Variants in BTBD9 observed in about 807,000 individuals in gnomAD.
BTBD9 encodes the protein BTB/POZ domain-containing protein 9.
In BTBD9, 49 loss-of-function variants were observed where a neutral mutation model predicts 64.3. That is an observed-to-expected ratio of 0.76 (90% CI 0.61 to 0.97). BTBD9 has a LOEUF of 0.97. BTBD9 is among the 50% of genes least tolerant of loss of function. The pLI, the probability that BTBD9 is intolerant of heterozygous loss-of-function variation, is 0.00. For missense variants in BTBD9, 598 were observed against 762.1 expected (o/e 0.78, Z 2.53); for synonymous variants, 260 against 274.7 (o/e 0.95, Z 0.53).
At position 38,397,170 on chromosome 6, in the gene BTBD9, G is replaced by A. The variant is rs561194600; in HGVS notation, c.1155-52077C>T. Among the ~76,000 whole-genome samples, 3 of 152,194 alleles carry A rather than the reference G, an allele frequency of 2.0e-5. No individual in the cohort carries two copies. In the East Asian group the frequency reaches 5.8e-4, roughly 29 times the overall value. ...GTCTGCCTTGGCCTCCCAAAGTGCTGGGATTACAGGTGTGAGCCACTGCAC... is the reference window on the plus strand; with the variant it reads ...GTCTGCCTTGGCCTCCCAAAGTGCTAGGATTACAGGTGTGAGCCACTGCAC... On this transcript the variant is annotated intron_variant, in intron 6 of 10. Transcript: ENST00000481247.
chr6:38,343,637 A>G (rs748692858), intron 7 of BTBD9, among the ~76,000 whole-genome samples: 17 of 152,212 alleles, frequency 1.1e-4, no homozygotes, highest in Admixed American at 2.6e-4. Flanking sequence ...TTAAAAAACA[A>G]TATCAGGTAA....
intron 7 of BTBD9, among the ~76,000 whole-genome samples, chr6:38,302,930 T>C (rs969182997): frequency 1.3e-5 from 2 of 152,138 alleles, no homozygotes; most frequent in African/African-American, 4.8e-5. Flanking sequence ...CCATTGGCCA[T>C]TTGTATGTCT....
At chr6:38,366,787 G>A (rs1765200150) in intron 6 of BTBD9, among the ~76,000 whole-genome samples, 1 of 152,164 alleles carries the variant, frequency 6.6e-6, no homozygotes, top group Non-Finnish European at 1.5e-5. Context: ...TCAGCTTTAT[G>A]GCCATTCACT....
At chr6:38,340,502 A>G (rs983634503) in intron 7 of BTBD9, among the ~76,000 whole-genome samples, 4 of 152,244 alleles carry the variant, frequency 2.6e-5, no homozygotes, top group Non-Finnish European at 5.9e-5. Flanking sequence ...GCAAGTGATT[A>G]AAAGATTTCA....
At chr6:38,192,275 C>T (rs578122700) in intron 10 of BTBD9, among the ~76,000 whole-genome samples, 20 of 152,220 alleles carry the variant, frequency 1.3e-4, no homozygotes, top group African/African-American at 3.9e-4. Context: ...TGTGGTTGGC[C>T]GATTCCACAG....
chr6:38,495,202 CTG>C (rs1771897794), intron 6 of BTBD9, among the ~76,000 whole-genome samples: 1 of 152,222 alleles, frequency 6.6e-6, no homozygotes, highest in Admixed American at 6.5e-5. Context: ...AATAACATCT[CTG>C]TGTTTCGTTT....
chr6:38,288,540 A>G, intron 7 of BTBD9, 79 bp from the exon 8 acceptor site: 1 of 1,105,646 alleles, frequency 9.0e-7, no homozygotes, highest in South Asian at 1.5e-5. Context: ...GAACAAAATT[A>G]ATTAATTGCT....
At chr6:38,528,705 A>C (rs1390913006) in intron 6 of BTBD9, among the ~76,000 whole-genome samples, 2 of 152,092 alleles carry the variant, frequency 1.3e-5, no homozygotes, top group Non-Finnish European at 2.9e-5. Flanking sequence ...GAAGGGAAGG[A>C]CCCAGTCCTG....
chr6:38,392,899 G>C (rs1766495072), intron 6 of BTBD9, among the ~76,000 whole-genome samples: 1 of 142,092 alleles, frequency 7.0e-6, no homozygotes, highest in African/African-American at 2.8e-5. Context: ...TTTTGAGATG[G>C]AGTCTTGTTC....
chr6:38,488,147 G>A (rs1430745047), intron 6 of BTBD9, among the ~76,000 whole-genome samples: 2 of 151,948 alleles, frequency 1.3e-5, no homozygotes, highest in African/African-American at 4.8e-5. Flanking sequence ...TGTAGAGACA[G>A]TGTCTTGCTG....
chr6:38,562,463 C>A (rs1044490404), intron 6 of BTBD9, among the ~76,000 whole-genome samples: 1 of 152,106 alleles, frequency 6.6e-6, no homozygotes. Context: ...AAAGTAACTT[C>A]AACTCCCTAT....
chr6:38,367,799 C>CAAAAAAAAAA lies in BTBD9; in HGVS notation c.1155-22716_1155-22707dup, dbSNP rs575025737. 3.3e-4 allele frequency among the ~76,000 whole-genome samples: 28 copies of CAAAAAAAAAA among 84,326 alleles called. 1 individual carries two copies. Among genetic ancestry groups the CAAAAAAAAAA allele is most frequent in the East Asian group, 1.0e-3 (2 of 1,918 alleles). 55.3% of individuals were successfully genotyped at this position (84,326 alleles called of 152,430 possible). On this transcript the variant is annotated intron_variant, in intron 6 of 10. Coordinates refer to ENST00000481247, the MANE Select transcript of BTBD9 (RefSeq NM_001099272.2). The stretch of plus-strand genomic sequence containing the variant: ...TGCAAGAGTGTTGCACCAGAAATGG[C>CAAAAAAAAAA]AAAAAAAAAAAAAAAAAAAAAAAAA...
chr6:38,504,388 A>G (rs1009360285), intron 6 of BTBD9: 17 of 343,226 alleles, frequency 5.0e-5, no homozygotes, highest in East Asian at 4.4e-4. Flanking sequence ...TCCTCATGTT[A>G]CCACTACCCA....
intron 6 of BTBD9, among the ~76,000 whole-genome samples, chr6:38,566,589 T>G (rs1775526683): frequency 6.6e-6 from 1 of 152,114 alleles, no homozygotes; most frequent in Non-Finnish European, 1.5e-5. Context: ...TGCCCCAAAG[T>G]TCCCCAACAA....
intron 9 of BTBD9, among the ~76,000 whole-genome samples, chr6:38,245,103 T>C (rs1199380635): frequency 7.2e-5 from 11 of 152,352 alleles, no homozygotes; most frequent in Admixed American, 7.2e-4. Flanking sequence ...AAGTACATAC[T>C]GACCCCTACA....
chr6:38,185,839 C>G (rs529218483), intron 10 of BTBD9, among the ~76,000 whole-genome samples: 288 of 152,300 alleles, frequency 1.9e-3, no homozygotes, highest in African/African-American at 6.5e-3. Context: ...TTTGGTGTCT[C>G]GCTTCTGTCC....
At chr6:38,286,245 G>A (rs1215642435) in intron 8 of BTBD9, among the ~76,000 whole-genome samples, 1 of 152,184 alleles carries the variant, frequency 6.6e-6, no homozygotes, top group Non-Finnish European at 1.5e-5. Context: ...AATTCTCCAA[G>A]AAACCCAGCA....
rs1376678582 is a variant in BTBD9 at position 38,598,133 on chromosome 6, A to G, written c.-27-12T>C. Reference sequence around the variant, plus strand: ...CGATAGTCGTTGTTCTATCATATAAAGAAGGAATGAGAGTTAGTTGGGGGA... The same window carrying G: ...CGATAGTCGTTGTTCTATCATATAAGGAAGGAATGAGAGTTAGTTGGGGGA... On this transcript the variant is annotated splice_polypyrimidine_tract_variant and intron_variant, in intron 1 of 10. Transcript: ENST00000481247. 3.8e-6 allele frequency: 6 copies of G among 1,582,180 alleles called. No homozygotes were observed. In the Admixed American group the frequency reaches 5.2e-5, roughly 14 times the overall value.
intron 7 of BTBD9, among the ~76,000 whole-genome samples, chr6:38,336,823 T>A (rs1223496012): frequency 2.0e-5 from 3 of 152,166 alleles, no homozygotes; most frequent in African/African-American, 7.2e-5. Flanking sequence ...CACCTTCTGT[T>A]TAAGTGTCTT....
Sources: gnomAD v4.1 joint callset for allele counts (sites outside exome capture counted in the v4.1 genomes callset) on GRCh38, gnomAD v4.1.1 for gene constraint, MANE v1.5 for transcripts, NCBI Gene and HGNC (gene_info 2026-07-23, HGNC 2026-07-21) for gene names.